XXYLT1: variants seen among roughly 807,000 people sequenced by gnomAD.
The protein encoded by XXYLT1 is UDP-xylose:alpha-xyloside alpha-1,3-xylosyltransferase.
XXYLT1 carries 20 observed loss-of-function variants against 28.9 expected under a neutral mutation model. The observed-to-expected ratio is 0.69, with a 90% CI of 0.49 to 1.00. XXYLT1 has a LOEUF of 1.00. Among genes scored for constraint, XXYLT1 ranks in the 50% least tolerant of loss-of-function variants. XXYLT1 has a pLI of 0.00. For synonymous variants in XXYLT1, 257 were observed against 253.8 expected (o/e 1.01, Z -0.12); for missense variants, 542 against 560.1 (o/e 0.97, Z 0.33).
At chr3:195,072,617 C>T (rs1439623900) in intron 3 of XXYLT1, among the ~76,000 whole-genome samples, 1 of 152,164 alleles carries the variant, frequency 6.6e-6, no homozygotes, top group Non-Finnish European at 1.5e-5. Flanking sequence ...TCAGAAAGGA[C>T]TGGTCTGGGC....
chr3:195,222,458 C>T (rs141509104), intron 2 of XXYLT1, among the ~76,000 whole-genome samples: 1 of 152,158 alleles, frequency 6.6e-6, no homozygotes, highest in Non-Finnish European at 1.5e-5. Context: ...CTGTGTGAGT[C>T]GACAACCCTG....
At chr3:195,184,349 C>G (rs1006849309) in intron 2 of XXYLT1, among the ~76,000 whole-genome samples, 2 of 152,230 alleles carry the variant, frequency 1.3e-5, no homozygotes, top group Non-Finnish European at 2.9e-5. Context: ...GTGGAGCTCT[C>G]CATACCTCAG....
At chr3:195,188,934 A>G (rs1722312144) in intron 2 of XXYLT1, among the ~76,000 whole-genome samples, 4 of 152,356 alleles carry the variant, frequency 2.6e-5, no homozygotes, top group African/African-American at 9.6e-5. Context: ...GCTCGGCGCT[A>G]GCTTTCACCA....
chr3:195,265,061 C>G (rs1240095881), intron 1 of XXYLT1, among the ~76,000 whole-genome samples: 1 of 138,838 alleles, frequency 7.2e-6, no homozygotes, highest in Non-Finnish European at 1.6e-5. Context: ...AACCCTATCT[C>G]AAAAAAAAAA....
intron 3 of XXYLT1, among the ~76,000 whole-genome samples, chr3:195,085,462 G>C (rs1715667250): frequency 6.6e-6 from 1 of 152,182 alleles, no homozygotes; most frequent in Admixed American, 6.5e-5. Flanking sequence ...CCATCCCCAT[G>C]TCTAAGCATG....
chr3:195,234,686 A>T (rs184435687), intron 1 of XXYLT1, among the ~76,000 whole-genome samples: 48 of 151,836 alleles, frequency 3.2e-4, no homozygotes, highest in African/African-American at 1.1e-3. Context: ...ATGTCATGCC[A>T]CTCTCTCCTG....
chr3:195,098,421 T>C (rs577578407), intron 3 of XXYLT1, among the ~76,000 whole-genome samples: 75 of 152,104 alleles, frequency 4.9e-4, no homozygotes, highest in South Asian at 4.2e-4. Flanking sequence ...GGCGTGGTGG[T>C]GCGCGCCTGT....
chr3:195,109,593 C>T (rs1348108483), intron 3 of XXYLT1, among the ~76,000 whole-genome samples: 2 of 130,732 alleles, frequency 1.5e-5, no homozygotes, highest in Admixed American at 7.5e-5. Context: ...TATGAGTGCA[C>T]GTGTGTGTGG....
chr3:195,190,132 C>CAAAAAAAAA lies in XXYLT1; in HGVS notation c.653-33560_653-33552dup, dbSNP rs763683271. 2.8e-3 allele frequency among the ~76,000 whole-genome samples: 393 copies of CAAAAAAAAA among 142,820 alleles called. 6 individuals are homozygous for CAAAAAAAAA. The highest frequency in any genetic ancestry group is 0.01 in the African/African-American group (362 of 34,982). 93.7% of individuals were successfully genotyped at this position (142,820 alleles called of 152,430 possible). A position where few individuals can be genotyped will look rare whatever the true frequency, so the allele number is the denominator to read the frequency against. On this transcript the variant is annotated intron_variant, in intron 2 of 3. Transcript: ENST00000310380. ...CTAGCAAAACAATTCTTCAAAAATG[C>CAAAAAAAAA]AAAAAAAAAGAACATTTCTGTATAA...
chr3:195,073,680 G>A (rs1163958420), intron 3 of XXYLT1, among the ~76,000 whole-genome samples: 1 of 152,056 alleles, frequency 6.6e-6, no homozygotes. Flanking sequence ...GGTAAATATT[G>A]GGTCTTTTCA....
At chr3:195,089,209 C>T (rs1243727074) in intron 3 of XXYLT1, among the ~76,000 whole-genome samples, 1 of 151,772 alleles carries the variant, frequency 6.6e-6, no homozygotes, top group East Asian at 1.9e-4. Flanking sequence ...AGAGCAACTC[C>T]AAGACACATA....
intron 3 of XXYLT1, among the ~76,000 whole-genome samples, chr3:195,103,334 C>CGCCAGCGCCCCAT (rs1560095744): frequency 1.6e-5 from 2 of 125,788 alleles, no homozygotes; most frequent in Non-Finnish European, 3.5e-5. Flanking sequence ...CATCACCCCA[C>CGCCAGCGCCCCAT]GCCAGCGACC....
At chr3:195,145,338 C>CTT (rs1719779994) in intron 3 of XXYLT1, among the ~76,000 whole-genome samples, 1 of 134,214 alleles carries the variant, frequency 7.5e-6, no homozygotes. Flanking sequence ...CTCTGTGAAG[C>CTT]CACATGAACG....
At chr3:195,269,582 C>T (rs1285609598) in intron 1 of XXYLT1, among the ~76,000 whole-genome samples, 5 of 152,166 alleles carry the variant, frequency 3.3e-5, no homozygotes, top group Non-Finnish European at 5.9e-5. Context: ...GACTTCACCC[C>T]GTAGGCAACA....
Position 195,143,813 on chromosome 3 carries a change from TAGATATAG to T in XXYLT1, c.785+12628_785+12635del, listed in dbSNP as rs59189799. ...ATATATATATATAGATAGATATATATAGATATAGATATATATAGATATAGATATAGATA... is the reference window on the plus strand; with the variant it reads ...ATATATATATATAGATAGATATATATATATATATAGATATAGATATAGATA... On this transcript the variant is annotated intron_variant, in intron 3 of 3. Coordinates refer to ENST00000310380, the MANE Select transcript of XXYLT1 (RefSeq NM_152531.5). Among the ~76,000 whole-genome samples the T allele has an allele frequency of 4.1e-3, 395 of 96,904 alleles. 6 individuals carry two copies. The highest frequency in any genetic ancestry group is 5.3e-3 in the Non-Finnish European group (248 of 47,218). The allele number at this position is 96,904 out of a possible 152,430, so 63.6% of individuals were successfully genotyped here. A position where few individuals can be genotyped will look rare whatever the true frequency, so the allele number is the denominator to read the frequency against.
At chr3:195,214,030 G>T (rs530421157) in intron 2 of XXYLT1, among the ~76,000 whole-genome samples, 15 of 152,324 alleles carry the variant, frequency 9.8e-5, no homozygotes, top group African/African-American at 3.6e-4. Context: ...CATCACTGGG[G>T]TGGAATGCAG....
rs115183468 is a variant in XXYLT1 at position 195,076,370 on chromosome 3, C to T, written c.786-6259G>A. On this transcript the variant is annotated intron_variant, in intron 3 of 3. Coordinates refer to ENST00000310380, the MANE Select transcript of XXYLT1 (RefSeq NM_152531.5). The surrounding 1 kb of genome is among the most constrained non-coding windows in gnomAD (Gnocchi z 5.3). ...CGGCACAGACATTGGAACTCGACCG[C>T]GCGTGTTCCCGGAGTCTGAGTCGTT... 0.013 allele frequency among the ~76,000 whole-genome samples: 1,994 copies of T among 152,158 alleles called. 39 individuals carry two copies. The highest frequency in any genetic ancestry group is 0.045 in the African/African-American group (1,878 of 41,476).
intron 2 of XXYLT1, among the ~76,000 whole-genome samples, chr3:195,177,190 T>C (rs1335448143): frequency 6.6e-6 from 1 of 152,224 alleles, no homozygotes; most frequent in Non-Finnish European, 1.5e-5. Flanking sequence ...TTAACTCGCG[T>C]AGTTCTACTG....
intron 3 of XXYLT1, among the ~76,000 whole-genome samples, chr3:195,072,206 G>A (rs1450479250): frequency 1.3e-5 from 2 of 151,798 alleles, no homozygotes; most frequent in African/African-American, 4.8e-5. Context: ...TGGAAGCAGG[G>A]GGCAGGACAC....
Sources: allele counts gnomAD v4.1 joint callset (sites outside exome capture counted in the v4.1 genomes callset), GRCh38; gene constraint gnomAD v4.1.1; non-coding constraint Gnocchi (gnomAD v3.1); transcripts MANE v1.5; gene names NCBI Gene and HGNC (gene_info 2026-07-23, HGNC 2026-07-21).